TAFA1: variants seen among roughly 807,000 people sequenced by gnomAD.
TAFA1 encodes the protein TAFA chemokine like family member 1.
TAFA1 carries 4 observed loss-of-function variants against 18.5 expected under a neutral mutation model. That is an observed-to-expected ratio of 0.22 (90% CI 0.11 to 0.49). The LOEUF is 0.49. TAFA1 is among the 20% of genes least tolerant of loss of function. The pLI, the probability that TAFA1 is intolerant of heterozygous loss-of-function variation, is 0.98. For synonymous variants in TAFA1, 56 were observed against 55.2 expected, an observed-to-expected ratio of 1.01 and a Z score of -0.06; for missense variants, 147 against 169.0, an observed-to-expected ratio of 0.87 and a Z score of 0.72.
intron 3 of TAFA1, among the ~76,000 whole-genome samples, chr3:68,520,038 T>TC: frequency 6.6e-6 from 1 of 152,256 alleles, no homozygotes; most frequent in Admixed American, 6.5e-5. Context: ...ACCAACAAAA[T>TC]CCTAAAACAC....
intron 2 of TAFA1, among the ~76,000 whole-genome samples, chr3:68,354,239 A>G (rs1026100702): frequency 6.6e-6 from 1 of 151,992 alleles, no homozygotes; most frequent in Non-Finnish European, 1.5e-5. Flanking sequence ...GGAATTGTCA[A>G]CATTCAAAAA....
At chr3:67,996,558 G>A in the TAFA1 span, among the ~76,000 whole-genome samples, 5 of 152,092 alleles carry the variant, frequency 3.3e-5, no homozygotes, top group Non-Finnish European at 7.4e-5. Flanking sequence ...CAGCACTTTG[G>A]GAAGCCAAGG....
chr3:68,196,935 C>A (rs1288625229), intron 2 of TAFA1, among the ~76,000 whole-genome samples: 1 of 151,728 alleles, frequency 6.6e-6, no homozygotes, highest in Middle Eastern at 3.2e-3. Context: ...TAGTCTCTGC[C>A]AACTGCATGG....
chr3:68,357,589 T>C (rs1262298989), intron 2 of TAFA1, among the ~76,000 whole-genome samples: 1 of 151,944 alleles, frequency 6.6e-6, no homozygotes, highest in East Asian at 1.9e-4. Context: ...AGTGTTTCTC[T>C]GCTAGGCCAG....
intron 2 of TAFA1, among the ~76,000 whole-genome samples, chr3:68,411,455 A>G (rs1341157070): frequency 6.6e-6 from 1 of 152,252 alleles, no homozygotes; most frequent in African/African-American, 2.4e-5. Flanking sequence ...GTAATGTGAT[A>G]TCTTTGATGG....
the TAFA1 span, among the ~76,000 whole-genome samples, chr3:67,994,906 C>T: frequency 6.4e-4 from 97 of 152,114 alleles, no homozygotes; most frequent in Middle Eastern, 3.4e-3. Flanking sequence ...CTGGAACCAG[C>T]GGTTAGCTTG....
chr3:68,027,453 T>G (rs1304193001), intron 2 of TAFA1, among the ~76,000 whole-genome samples: 7 of 152,178 alleles, frequency 4.6e-5, no homozygotes, highest in Admixed American at 2.0e-4. Context: ...CCAGGCTAAT[T>G]GTTTGTCATT....
chr3:68,489,406 A>G (rs1035890689), intron 3 of TAFA1, among the ~76,000 whole-genome samples: 2 of 152,190 alleles, frequency 1.3e-5, no homozygotes, highest in Non-Finnish European at 2.9e-5. Flanking sequence ...AAATGTTTAA[A>G]GCTAATTTAA....
intron 2 of TAFA1, among the ~76,000 whole-genome samples, chr3:68,340,737 T>G (rs894247311): frequency 2.0e-5 from 3 of 152,208 alleles, no homozygotes; most frequent in Admixed American, 1.3e-4. Flanking sequence ...TTAATTCAAG[T>G]ACTGAGCATT....
intron 2 of TAFA1, among the ~76,000 whole-genome samples, chr3:68,090,735 G>A (rs915418510): frequency 1.3e-5 from 2 of 152,166 alleles, no homozygotes. Context: ...GAGGCTGGAT[G>A]CCTTTTACTT....
At chr3:67,993,754 A>T in the TAFA1 span, among the ~76,000 whole-genome samples, 1 of 152,214 alleles carries the variant, frequency 6.6e-6, no homozygotes, top group South Asian at 2.1e-4. Context: ...TGATGAAATT[A>T]TACAAATCCC....
intron 2 of TAFA1, among the ~76,000 whole-genome samples, chr3:68,303,766 G>A (rs1232260700): frequency 6.6e-6 from 1 of 151,894 alleles, no homozygotes; most frequent in African/African-American, 2.4e-5. Context: ...TTTTTAGAAG[G>A]ATTAAAAATA....
At chr3:68,294,683 G>A (rs1269799911) in intron 2 of TAFA1, among the ~76,000 whole-genome samples, 2 of 152,002 alleles carry the variant, frequency 1.3e-5, no homozygotes. Flanking sequence ...CCAGGAGTTC[G>A]AGACCAGCCT....
At chr3:68,311,757 G>A (rs1256280715) in intron 2 of TAFA1, among the ~76,000 whole-genome samples, 1 of 152,164 alleles carries the variant, frequency 6.6e-6, no homozygotes, top group Non-Finnish European at 1.5e-5. Context: ...TCAGGTGCAG[G>A]GTGCAAGCTG....
Position 68,170,062 on chromosome 3 carries a change from A to T in TAFA1, c.118+163318A>T, listed in dbSNP as rs577530431. 2.6e-5 allele frequency among the ~76,000 whole-genome samples: 4 copies of T among 152,358 alleles called. No individual in the cohort carries two copies. The East Asian group carries it at 5.8e-4, about 22-fold the overall frequency. On this transcript the variant is annotated intron_variant, in intron 2 of 4. Transcript: ENST00000478136. ...AGCTCTGGAAATTAACTAAGGGCTT[A>T]TAACAGTCTAAGGAGCACTTATTCA...
intron 2 of TAFA1, among the ~76,000 whole-genome samples, chr3:68,404,486 A>G (rs1352401320): frequency 6.6e-6 from 1 of 152,062 alleles, no homozygotes; most frequent in Non-Finnish European, 1.5e-5. Context: ...AGTTGTGGGC[A>G]GTTCTCCTAT....
At chr3:68,286,935 G>C (rs1179378568) in intron 2 of TAFA1, among the ~76,000 whole-genome samples, 1 of 152,168 alleles carries the variant, frequency 6.6e-6, no homozygotes, top group African/African-American at 2.4e-5. Context: ...GCCATCCTTG[G>C]TGCTGTACAA....
intron 2 of TAFA1, among the ~76,000 whole-genome samples, chr3:68,049,873 T>G (rs4130990): frequency 0.51 from 77,480 of 151,776 alleles, 20,157 homozygotes; most frequent in South Asian, 0.64. Context: ...CCCAAAGATG[T>G]TGTTCATGAT....
intron 2 of TAFA1, among the ~76,000 whole-genome samples, chr3:68,179,967 A>AT (rs2066174517): frequency 6.6e-6 from 1 of 150,994 alleles, no homozygotes; most frequent in South Asian, 2.1e-4. Context: ...TGTACACCAA[A>AT]TTTTGACGCT....
Sources: allele counts gnomAD v4.1 joint callset (sites outside exome capture counted in the v4.1 genomes callset), GRCh38; gene constraint gnomAD v4.1.1; transcripts MANE v1.5; gene names NCBI Gene and HGNC (gene_info 2026-07-23, HGNC 2026-07-21).